The following SGPL1 variants were observed in gnomAD, a reference collection of about 807,000 sequenced individuals.
SGPL1 encodes sphingosine-1-phosphate lyase 1.
A neutral mutation model predicts 68.9 loss-of-function variants in SGPL1; 37 were observed. The observed-to-expected ratio is 0.54, with a 90% CI of 0.41 to 0.71. The LOEUF (loss-of-function observed/expected upper bound fraction) is 0.71. SGPL1 is among the 30% of genes least tolerant of loss of function. The probability of loss-of-function intolerance (pLI) is 0.00; values close to 1 mark genes in which losing one functional copy is unlikely to be tolerated. For missense variants in SGPL1, 551 were observed against 704.6 expected, an observed-to-expected ratio of 0.78 and a Z score of 2.47; for synonymous variants, 236 against 248.5, an observed-to-expected ratio of 0.95 and a Z score of 0.47.
chr10:70,864,808 C>A (rs1272423768), intron 7 of SGPL1, among the ~76,000 whole-genome samples: 1 of 152,168 alleles, frequency 6.6e-6, no homozygotes, highest in Non-Finnish European at 1.5e-5. Flanking sequence ...CTGTCTGAGA[C>A]CATTTGGCTG....
chr10:70,818,590 C>T (rs1055678699), intron 2 of SGPL1, among the ~76,000 whole-genome samples: 6 of 152,104 alleles, frequency 3.9e-5, no homozygotes, highest in Non-Finnish European at 8.8e-5. Flanking sequence ...GTGCTGACAT[C>T]GTAGTGGCAT....
chr10:70,858,234 C>T (rs1845995995), intron 6 of SGPL1, among the ~76,000 whole-genome samples: 1 of 152,152 alleles, frequency 6.6e-6, no homozygotes, highest in Admixed American at 6.5e-5. Flanking sequence ...CTCTTTGGCT[C>T]AAGTGATCCT....
intron 2 of SGPL1, among the ~76,000 whole-genome samples, chr10:70,829,240 A>G (rs1476832113): frequency 6.6e-6 from 1 of 152,178 alleles, no homozygotes; most frequent in Non-Finnish European, 1.5e-5. Flanking sequence ...CAGCCTTCTG[A>G]TTGATTTAAT....
At chr10:70,869,044 TTTA>T (rs1846244393) in intron 8 of SGPL1, 1 of 152,872 alleles carries the variant, frequency 6.5e-6, no homozygotes, top group Admixed American at 6.5e-5. Context: ...ACAATGGGGA[TTTA>T]TTGCATATGG....
At chr10:70,865,208 G>GT (rs1452992038) in intron 7 of SGPL1, among the ~76,000 whole-genome samples, 1 of 132,538 alleles carries the variant, frequency 7.5e-6, no homozygotes, top group African/African-American at 2.9e-5. Context: ...CTGTTTCACT[G>GT]TTTCTTTTTT....
At chr10:70,829,500 A>G (rs1406333125) in intron 2 of SGPL1, among the ~76,000 whole-genome samples, 3 of 152,158 alleles carry the variant, frequency 2.0e-5, no homozygotes, top group African/African-American at 7.2e-5. Context: ...ATGAGTGTTT[A>G]TTATCTGCAG....
intron 2 of SGPL1, among the ~76,000 whole-genome samples, chr10:70,828,548 G>A (rs1242667420): frequency 1.3e-5 from 2 of 152,200 alleles, no homozygotes; most frequent in African/African-American, 2.4e-5. Context: ...TTTCCCCAGA[G>A]AGTAAAGCCT....
intron 11 of SGPL1, among the ~76,000 whole-genome samples, chr10:70,872,574 G>C (rs1484954562): frequency 6.6e-6 from 1 of 152,230 alleles, no homozygotes; most frequent in Non-Finnish European, 1.5e-5. Context: ...TGTGGAAGAA[G>C]TATTAGCAGC....
intron 11 of SGPL1, among the ~76,000 whole-genome samples, 177 bp downstream of exon 11, chr10:70,872,163 G>A (rs1240637412): frequency 5.9e-5 from 9 of 152,210 alleles, no homozygotes; most frequent in Non-Finnish European, 1.3e-4. Context: ...GGGGTATAGT[G>A]GTAGAGGTGA....
intron 3 of SGPL1, 94 bp downstream of exon 3, chr10:70,844,732 T>G: frequency 8.2e-7 from 1 of 1,217,804 alleles, no homozygotes; most frequent in Non-Finnish European, 1.2e-6. Flanking sequence ...GCCTTTTGGT[T>G]GTTTTTTTGT....
rs55860254 is a variant in SGPL1 at position 70,848,454 on chromosome 10, C to CTTTTTTT, written c.194-2667_194-2661dup. ...CAAACTAACGTGATTACCTCACGTACTTTTTTTTTTTTTTTTTTTTTTTTT... is the reference window on the plus strand; with the variant it reads ...CAAACTAACGTGATTACCTCACGTACTTTTTTTTTTTTTTTTTTTTTTTTTTTTTTTT... On this transcript the variant is annotated intron_variant, in intron 3 of 14. Transcript: ENST00000373202. 2.3e-4 allele frequency among the ~76,000 whole-genome samples: 16 copies of CTTTTTTT among 70,684 alleles called. 4 individuals carry two copies. The highest frequency in any genetic ancestry group is 0.01 in the Middle Eastern group (1 of 98). 46.4% of individuals were successfully genotyped at this position (70,684 alleles called of 152,430 possible).
chr10:70,830,641 G>A (rs1018054479), intron 2 of SGPL1, among the ~76,000 whole-genome samples: 3 of 152,052 alleles, frequency 2.0e-5, no homozygotes, highest in Admixed American at 2.0e-4. Flanking sequence ...TTGTAATATC[G>A]AGGCTATTTC....
At chr10:70,868,288 T>G (rs1846230476) in intron 7 of SGPL1, 57 bp from the exon 8 acceptor site, 1 of 1,226,770 alleles carries the variant, frequency 8.2e-7, no homozygotes, top group Non-Finnish European at 1.2e-6. Context: ...GATCAGGGCA[T>G]GAAGAGCCGG....
Position 70,877,356 on chromosome 10 carries a change from C to T in SGPL1, c.*21C>T. ...ACTGAACTTGGACCCTTTCTAGTCT[C>T]AAGGGGATTCCAGCCTTCAGAAGGT... On this transcript the variant is annotated 3_prime_UTR_variant, in exon 15 of 15. Transcript: ENST00000373202. 6.2e-7 allele frequency: 1 copy of T among 1,613,318 alleles called. No homozygotes were observed.
intron 5 of SGPL1, among the ~76,000 whole-genome samples, chr10:70,855,836 C>G (rs1422062293): frequency 1.3e-5 from 2 of 152,088 alleles, no homozygotes; most frequent in African/African-American, 4.8e-5. Flanking sequence ...TTTATCAAAA[C>G]TAAAAAATTA....
chr10:70,848,880 T>C (rs1403317947), intron 3 of SGPL1, among the ~76,000 whole-genome samples: 1 of 152,232 alleles, frequency 6.6e-6, no homozygotes, highest in Non-Finnish European at 1.5e-5. Context: ...TGCTTCCGTC[T>C]AACTGGAATT....
At chr10:70,831,118 C>A (rs750276654) in intron 2 of SGPL1, among the ~76,000 whole-genome samples, 2 of 152,130 alleles carry the variant, frequency 1.3e-5, no homozygotes, top group Non-Finnish European at 2.9e-5. Context: ...CTTTCAGAGC[C>A]GTAAACAGCC....
At chr10:70,856,323 T>C (rs1457430381) in intron 5 of SGPL1, among the ~76,000 whole-genome samples, 1 of 152,170 alleles carries the variant, frequency 6.6e-6, no homozygotes, top group African/African-American at 2.4e-5. Context: ...AATTTCTAAG[T>C]GACATGTGTT....
At chr10:70,829,795 C>T (rs993809652) in intron 2 of SGPL1, among the ~76,000 whole-genome samples, 2 of 152,076 alleles carry the variant, frequency 1.3e-5, no homozygotes, top group African/African-American at 2.4e-5. Flanking sequence ...TCTCAGAGTC[C>T]GCAAGAGTAG....
Sources: gnomAD v4.1 joint callset for allele counts (sites outside exome capture counted in the v4.1 genomes callset) on GRCh38, gnomAD v4.1.1 for gene constraint, MANE v1.5 for transcripts, NCBI Gene and HGNC (gene_info 2026-07-23, HGNC 2026-07-21) for gene names.